Variants in VCL observed in about 807,000 individuals in gnomAD.
VCL encodes the protein vinculin, also known as epididymis luminal protein 114.
Under a neutral mutation model 125.7 loss-of-function variants are expected in VCL, and 47 were observed. The observed-to-expected ratio is 0.37, with a 90% confidence interval of 0.30 to 0.48. The LOEUF (loss-of-function observed/expected upper bound fraction) is 0.48. VCL is among the 20% of genes least tolerant of loss of function. The pLI, the probability that VCL is intolerant of heterozygous loss-of-function variation, is 0.99. For synonymous variants in VCL, 458 were observed against 514.6 expected (o/e 0.89, Z 1.49); for missense variants, 1,069 against 1,455.5 (o/e 0.73, Z 4.32).
At chr10:74,022,403 G>A (rs555863179) in intron 1 of VCL, among the ~76,000 whole-genome samples, 44 of 151,532 alleles carry the variant, frequency 2.9e-4, no homozygotes, top group South Asian at 1.5e-3. Flanking sequence ...AAAATTAGCC[G>A]GGCATGATGG....
At chr10:74,048,847 G>T (rs930855385) in intron 2 of VCL, among the ~76,000 whole-genome samples, 1 of 152,182 alleles carries the variant, frequency 6.6e-6, no homozygotes, top group Non-Finnish European at 1.5e-5. Context: ...GAGGTCAGGC[G>T]TGGTGGCTCA....
rs372965176 is a variant in VCL, at chr10:74,117,885, C to T, written c.3259-138C>T. On this transcript the variant is annotated intron_variant, in intron 21 of 21. Coordinates refer to ENST00000211998, the MANE Select transcript of VCL (RefSeq NM_014000.3). ...GGTTCTTTTTGGTGATCTGGGAAAA[C>T]CCCTAGTGATGCAAGCAAATATGGG... 143 of 1,260,854 alleles carry T rather than the reference C, an allele frequency of 1.1e-4. 2 individuals carry two copies. The South Asian group carries it at 1.6e-3, about 14-fold the overall frequency. The allele number at this position is 1,260,854 out of a possible 1,614,324, so 78.1% of individuals were successfully genotyped here. A position where few individuals can be genotyped will look rare whatever the true frequency, so the allele number is the denominator to read the frequency against.
intron 21 of VCL, among the ~76,000 whole-genome samples, chr10:74,116,587 G>T (rs151076342): frequency 8.0e-4 from 122 of 152,072 alleles, no homozygotes; most frequent in East Asian, 6.4e-3. Flanking sequence ...TTGGGAGGCT[G>T]AGGCAGGAGA....
At chr10:74,068,559 A>C (rs1018546148) in intron 2 of VCL, among the ~76,000 whole-genome samples, 9 of 152,278 alleles carry the variant, frequency 5.9e-5, no homozygotes, top group Admixed American at 2.0e-4. Context: ...TCCTGACCTA[A>C]AGTAATCCAC....
rs1474874830 is a variant in VCL at position 74,090,054 on chromosome 10, A to G, written c.1208A>G (p.Glu403Gly). 1 of 1,614,074 alleles carries G rather than the reference A, an allele frequency of 6.2e-7. No homozygotes were observed. Among genetic ancestry groups the G allele is most frequent in the Non-Finnish European group, 8.5e-7 (1 of 1,180,034 alleles). The change falls in exon 10 of 22, where the codon GAA (glutamate) becomes GGA (glycine). Residue 403 changes from glutamate (E) to glycine (G), a missense_variant. Glu to Gly is a moderately conservative substitution (Grantham distance 98, BLOSUM62 -2). Transcript: ENST00000211998. The stretch of plus-strand genomic sequence containing the variant: ...CTTGCAGATCCAAATGGTGGACCGG[A>G]AGGAGAAGAGCAGATTCGAGGTGCT... The part of the protein sequence containing the change: ...NWLADPNGGP[E>G]GEEQIRGALA...
intron 1 of VCL, among the ~76,000 whole-genome samples, chr10:74,036,969 G>C (rs1031684201): frequency 6.7e-5 from 10 of 150,266 alleles, no homozygotes; most frequent in African/African-American, 1.2e-4. Context: ...GGAGTGCAGT[G>C]GCCCGATCTT....
chr10:74,007,471 A>G (rs1286471952), intron 1 of VCL, among the ~76,000 whole-genome samples: 1 of 152,106 alleles, frequency 6.6e-6, no homozygotes, highest in African/African-American at 2.4e-5. Context: ...TGGCAGGGAC[A>G]ATATGCCTCT....
chr10:74,019,021 A>T (rs1840612621), intron 1 of VCL, among the ~76,000 whole-genome samples: 1 of 152,054 alleles, frequency 6.6e-6, no homozygotes, highest in South Asian at 2.1e-4. Context: ...TCTTCTTTTG[A>T]CAGTTAAATA....
rs781535174 is a variant in VCL, at chr10:74,090,193, A to G, written c.1347A>G (p.Arg449=). The change falls in exon 10 of 22, where the codon CGA becomes CGG. Residue 449 remains arginine (R), a synonymous_variant. Transcript: ENST00000211998. ...TGACTTCTAAATTAGCAGATCTACG[A>G]AGACAGTATGTATTTAACCCTTACA... ...SALTSKLADL[R]RQGKGDSPEA... is the part of the protein sequence containing the mutation. The G allele has an allele frequency of 3.1e-6, 5 of 1,614,118 alleles. No homozygotes were observed. In the Admixed American group the frequency reaches 6.7e-5, roughly 22 times the overall value.
chr10:74,070,425 C>A (rs1255379383), intron 2 of VCL, among the ~76,000 whole-genome samples: 1 of 152,102 alleles, frequency 6.6e-6, no homozygotes, highest in African/African-American at 2.4e-5. Flanking sequence ...CTGCTTTTAC[C>A]TGTAATTTTG....
chr10:74,082,533 G>C lies in VCL; in HGVS notation c.863G>C (p.Ser288Thr), dbSNP rs138270989. ...GCCAAAGGTTGGCTCCGTGACCCTA[G>C]TGCCTCCCCAGGTAACCCTCTAGTT... ...NQAKGWLRDP[S>T]ASPGDAGEQA... The change falls in exon 7 of 22, where the codon AGT becomes ACT. Residue 288 changes from serine to threonine, a missense_variant. Ser to Thr is a moderately conservative substitution (Grantham distance 58). Coordinates refer to ENST00000211998, the MANE Select transcript of VCL (RefSeq NM_014000.3). The C allele has an allele frequency of 5.0e-6, 8 of 1,614,050 alleles. No homozygotes were observed. Among genetic ancestry groups the C allele is most frequent in the South Asian group, 1.1e-5 (1 of 91,070 alleles).
At chr10:74,056,412 G>A (rs1368954375) in intron 2 of VCL, among the ~76,000 whole-genome samples, 2 of 152,004 alleles carry the variant, frequency 1.3e-5, no homozygotes, top group African/African-American at 2.4e-5. Context: ...AGTTTTGGGT[G>A]TACTCATGCA....
At chr10:74,001,167 C>T (rs760532118) in intron 1 of VCL, among the ~76,000 whole-genome samples, 3 of 152,048 alleles carry the variant, frequency 2.0e-5, no homozygotes, top group African/African-American at 4.8e-5. Context: ...GTGAGAATGG[C>T]GTGTGAGAAT....
Position 74,109,054 on chromosome 10 carries a change from G to A in VCL, c.2643G>A (p.Lys881=), listed in dbSNP as rs1208033455. 6.2e-7 allele frequency: 1 copy of A among 1,614,026 alleles called. No individual in the cohort carries two copies. The highest frequency in any genetic ancestry group is 8.5e-7 in the Non-Finnish European group (1 of 1,180,026). ...CTAGGCCTCCACCACCAGAGGAAAA[G>A]GATGAAGAGTTCCCTGAGCAGAAGG... is the stretch of plus-strand genomic sequence containing the variant. ...PPPRPPPPEE[K]DEEFPEQKAG... The change falls in exon 18 of 22, where the codon AAG becomes AAA. Residue 881 remains lysine, a synonymous_variant. Transcript: ENST00000211998.
rs1840222781 is a variant in VCL, at chr10:74,111,758, T to G, written c.2746-151T>G. On this transcript the variant is annotated intron_variant, in intron 18 of 21. Transcript: ENST00000211998. ...TGGAGGCTGAGAATTCCCCCTTCTG[T>G]GAAGCTTGGTACACAAGGCTCCTAG... The G allele has an allele frequency of 3.8e-6, 4 of 1,051,632 alleles. No homozygotes were observed. In the South Asian group the frequency reaches 5.6e-5, roughly 15 times the overall value. 65.1% of individuals were successfully genotyped at this position (1,051,632 alleles called of 1,614,324 possible). A position where few individuals can be genotyped will look rare whatever the true frequency, so the allele number is the denominator to read the frequency against.
At chr10:74,058,299 G>C (rs1841421754) in intron 2 of VCL, among the ~76,000 whole-genome samples, 1 of 152,070 alleles carries the variant, frequency 6.6e-6, no homozygotes, top group Non-Finnish European at 1.5e-5. Flanking sequence ...TGTCGTCGTA[G>C]CCTTGTTTGA....
At chr10:74,120,923 C>A (rs1840432173), downstream of VCL, 1 of 152,212 alleles carries the variant, frequency 6.6e-6, no homozygotes, top group Admixed American at 6.5e-5. Flanking sequence ...ACATAGTCCT[C>A]TTCTTCCTTA....
intron 6 of VCL, among the ~76,000 whole-genome samples, chr10:74,081,149 TTC>T (rs145629058): frequency 0.063 from 9,520 of 152,214 alleles, 1,029 homozygotes; most frequent in African/African-American, 0.22. Flanking sequence ...TTTAGTTCAC[TTC>T]TTTTTCATTG....
At chr10:74,108,331 A>G (rs1840169330) in intron 17 of VCL, among the ~76,000 whole-genome samples, 1 of 152,224 alleles carries the variant, frequency 6.6e-6, no homozygotes, top group African/African-American at 2.4e-5. Flanking sequence ...CAAGGGGAGA[A>G]GTTACTTGCC....
Sources: allele counts gnomAD v4.1 joint callset (sites outside exome capture counted in the v4.1 genomes callset), GRCh38; gene constraint gnomAD v4.1.1; transcripts MANE v1.5; gene names NCBI Gene and HGNC (gene_info 2026-07-23, HGNC 2026-07-21).